The following PDLIM5 variants were observed in gnomAD, a reference collection of about 807,000 sequenced individuals.
PDLIM5 encodes PDZ and LIM domain protein 5.
A neutral mutation model predicts 64.2 loss-of-function variants in PDLIM5; 34 were observed. The ratio of observed to expected loss-of-function variants is 0.53; its 90% CI spans 0.40 to 0.71. The LOEUF (loss-of-function observed/expected upper bound fraction) is 0.71. Among genes scored for constraint, PDLIM5 ranks in the 30% least tolerant of loss-of-function variants. PDLIM5 has a pLI of 0.00. For missense variants in PDLIM5, 683 were observed against 733.6 expected, an observed-to-expected ratio of 0.93 and a Z score of 0.80; for synonymous variants, 253 against 269.1, an observed-to-expected ratio of 0.94 and a Z score of 0.59.
chr4:94,573,692 T>C (rs78795897), intron 4 of PDLIM5: 67 of 346,844 alleles, frequency 1.9e-4, no homozygotes, highest in African/African-American at 1.3e-3. Flanking sequence ...CCTTATATTT[T>C]CTAAAGAGAA....
chr4:94,564,673 T>TTTTTTTTTG (rs1195951922), intron 3 of PDLIM5, among the ~76,000 whole-genome samples: 13 of 144,928 alleles, frequency 9.0e-5, no homozygotes, highest in African/African-American at 3.3e-4. Context: ...TTTTTTTTTT[T>TTTTTTTTTG]TTGACAGAGT....
intron 7 of PDLIM5, among the ~76,000 whole-genome samples, chr4:94,588,456 G>A (rs1468761799): frequency 2.6e-5 from 4 of 152,134 alleles, no homozygotes; most frequent in Admixed American, 6.5e-5. Flanking sequence ...CCAGGTACTC[G>A]GGAGGCTGAG....
chr4:94,611,150 T>A (rs1329097079), intron 7 of PDLIM5: 1 of 1,534,758 alleles, frequency 6.5e-7, no homozygotes, highest in Admixed American at 2.0e-5. Context: ...CTTTTTCCTA[T>A]CTGCAGTCCT....
At chr4:94,487,476 T>C (rs1726455693) in intron 2 of PDLIM5, among the ~76,000 whole-genome samples, 1 of 152,216 alleles carries the variant, frequency 6.6e-6, no homozygotes, top group Admixed American at 6.5e-5. Flanking sequence ...TGTTCTTCAA[T>C]TTACAATTAG....
intron 12 of PDLIM5, 145 bp downstream of exon 12, chr4:94,662,682 T>C (rs941612347): frequency 4.3e-6 from 2 of 462,532 alleles, no homozygotes; most frequent in African/African-American, 2.0e-5. Flanking sequence ...ATTTCGAAAG[T>C]TGTTTATTAA....
chr4:94,624,411 G>C (rs1739500126), intron 8 of PDLIM5, among the ~76,000 whole-genome samples: 1 of 152,146 alleles, frequency 6.6e-6, no homozygotes, highest in Admixed American at 6.5e-5. Flanking sequence ...TTGTCATTGT[G>C]GACAAATTAG....
intron 8 of PDLIM5, among the ~76,000 whole-genome samples, chr4:94,631,242 A>G (rs1740127132): frequency 6.6e-6 from 1 of 151,920 alleles, no homozygotes; most frequent in South Asian, 2.1e-4. Flanking sequence ...ATTCTCCTAA[A>G]TGTTTCTCAA....
intron 7 of PDLIM5, chr4:94,607,979 G>T (rs557021895): frequency 2.1e-6 from 2 of 941,986 alleles, no homozygotes; most frequent in African/African-American, 1.7e-5. Context: ...ACATTTAAAA[G>T]ATGGTATAGA....
chr4:94,537,733 A>C (rs928170112), intron 3 of PDLIM5, among the ~76,000 whole-genome samples: 3 of 152,318 alleles, frequency 2.0e-5, no homozygotes, highest in East Asian at 1.9e-4. Flanking sequence ...TTATTATGGC[A>C]GATATTATCA....
At position 94,499,454 on chromosome 4, in the gene PDLIM5, G is replaced by A. The variant is rs549817145; in HGVS notation, c.97-24270G>A. ...CTATATTTGCAGGTTCTGCATCTGT[G>A]GATTGAAAATGTTTGGAAGAAAAAC... On this transcript the variant is annotated intron_variant, in intron 2 of 12. Coordinates refer to ENST00000317968, the MANE Select transcript of PDLIM5 (RefSeq NM_006457.5). Among the ~76,000 whole-genome samples, 6 of 151,982 alleles carry A rather than the reference G, an allele frequency of 3.9e-5. No individual in the cohort carries two copies. In the East Asian group the frequency reaches 9.7e-4, roughly 24 times the overall value.
chr4:94,651,548 C>A (rs951613), intron 9 of PDLIM5, among the ~76,000 whole-genome samples: 1 of 151,926 alleles, frequency 6.6e-6, no homozygotes, highest in African/African-American at 2.4e-5. Context: ...TGAAATTCAT[C>A]GATAGGCTCG....
At chr4:94,544,414 T>C (rs147882695) in intron 3 of PDLIM5, among the ~76,000 whole-genome samples, 270 of 152,306 alleles carry the variant, frequency 1.8e-3, no homozygotes, top group African/African-American at 6.2e-3. Context: ...GACAAAAGCA[T>C]AGATTTATTG....
At chr4:94,485,329 C>T (rs976402712) in intron 2 of PDLIM5, among the ~76,000 whole-genome samples, 15 of 148,210 alleles carry the variant, frequency 1.0e-4, no homozygotes, top group African/African-American at 3.2e-4. Context: ...ACCATTTACT[C>T]GTGTTAGCAC....
intron 11 of PDLIM5, among the ~76,000 whole-genome samples, chr4:94,661,406 G>GA (rs1198020000): frequency 2.7e-5 from 4 of 148,732 alleles, no homozygotes; most frequent in Non-Finnish European, 6.0e-5. Context: ...AATGAAAGAA[G>GA]AAAAAAAAAG....
intron 1 of PDLIM5, among the ~76,000 whole-genome samples, chr4:94,452,290 G>A (rs2126066578): frequency 1.3e-5 from 2 of 152,280 alleles, no homozygotes; most frequent in African/African-American, 4.8e-5. Context: ...AGCGGAGACG[G>A]GGACGCGGGA....
At chr4:94,603,121 A>G (rs1737630410) in intron 7 of PDLIM5, among the ~76,000 whole-genome samples, 1 of 152,202 alleles carries the variant, frequency 6.6e-6, no homozygotes, top group Admixed American at 6.5e-5. Flanking sequence ...GTGTGGAAAG[A>G]TAATTGAGAG....
intron 8 of PDLIM5, among the ~76,000 whole-genome samples, chr4:94,632,905 A>G (rs1740273654): frequency 6.6e-6 from 1 of 152,186 alleles, no homozygotes; most frequent in African/African-American, 2.4e-5. Flanking sequence ...TGACCCAGTA[A>G]TATCTGTGTA....
At chr4:94,531,334 A>T (rs1426026991) in intron 3 of PDLIM5, among the ~76,000 whole-genome samples, 1 of 150,740 alleles carries the variant, frequency 6.6e-6, no homozygotes, top group Non-Finnish European at 1.5e-5. Context: ...TGCTTTGTGA[A>T]TTTTTTTTTT....
intron 9 of PDLIM5, among the ~76,000 whole-genome samples, chr4:94,642,547 T>C (rs1157070180): frequency 1.3e-5 from 2 of 152,188 alleles, no homozygotes; most frequent in Non-Finnish European, 2.9e-5. Context: ...AAATTTTATA[T>C]TGTTCTGGAT....
Sources: gnomAD v4.1 joint callset for allele counts (sites outside exome capture counted in the v4.1 genomes callset) on GRCh38, gnomAD v4.1.1 for gene constraint, MANE v1.5 for transcripts, NCBI Gene and HGNC (gene_info 2026-07-23, HGNC 2026-07-21) for gene names.